PPP3R1: variants seen among roughly 807,000 people sequenced by gnomAD.
The protein encoded by PPP3R1 is protein phosphatase 3 regulatory subunit B, alpha, also known as calcineurin subunit B type 1.
In PPP3R1, 5 loss-of-function variants were observed where a neutral mutation model predicts 22.6. The observed-to-expected ratio is 0.22, with a 90% CI of 0.12 to 0.46. PPP3R1 has a LOEUF of 0.46. PPP3R1 is among the 20% of genes least tolerant of loss of function. The pLI is 0.99. For missense variants in PPP3R1, 61 were observed against 203.2 expected, an observed-to-expected ratio of 0.30 and a Z score of 4.25; for synonymous variants, 56 against 65.2, an observed-to-expected ratio of 0.86 and a Z score of 0.68.
chr2:68,194,388 A>G (rs1043698627), intron 2 of PPP3R1, among the ~76,000 whole-genome samples: 12 of 152,252 alleles, frequency 7.9e-5, no homozygotes, highest in Admixed American at 4.6e-4. Flanking sequence ...TTACTACATG[A>G]AAGTATTAAG....
Position 68,252,529 on chromosome 2 carries a change from G to A in PPP3R1, c.-402C>T. The A allele has an allele frequency of 1.0e-6, 1 of 983,790 alleles. No homozygotes were observed. The highest frequency in any genetic ancestry group is 1.1e-4 in the East Asian group (1 of 8,802). 60.9% of individuals were successfully genotyped at this position (983,790 alleles called of 1,614,324 possible). A position where few individuals can be genotyped will look rare whatever the true frequency, so the allele number is the denominator to read the frequency against. On this transcript the variant is annotated 5_prime_UTR_variant, in exon 1 of 6. Coordinates refer to ENST00000234310, the MANE Select transcript of PPP3R1 (RefSeq NM_000945.4). ...GCTCGCGCTGACCCGCAACCTCAAG[G>A]CACGAAAAAAGGGGAGGGCGGAGAG...
chr2:68,211,692 C>CT (rs1462892260), intron 2 of PPP3R1, among the ~76,000 whole-genome samples: 10 of 152,222 alleles, frequency 6.6e-5, no homozygotes, highest in Non-Finnish European at 8.8e-5. Context: ...TTTTCAAACC[C>CT]TGCTGCTGCT....
chr2:68,199,158 T>A (rs1182955295), intron 2 of PPP3R1, among the ~76,000 whole-genome samples: 1 of 152,124 alleles, frequency 6.6e-6, no homozygotes, highest in Non-Finnish European at 1.5e-5. Flanking sequence ...GAGATGGGAT[T>A]TCACCATGTT....
At chr2:68,186,423 T>C (rs1674547480) in intron 5 of PPP3R1, 45 bp downstream of exon 5, 5 of 1,514,020 alleles carry the variant, frequency 3.3e-6, no homozygotes, top group Non-Finnish European at 4.5e-6. Context: ...TTAAAATATG[T>C]TGCTGAAACA....
rs796721138 is a variant in PPP3R1 at position 68,209,276 on chromosome 2, G to A, written c.43+7816C>T. On this transcript the variant is annotated intron_variant, in intron 2 of 5. Transcript: ENST00000234310. ...TGGGAGGCTGAGGCAGGAGAATGGCGTGAACCCGGGAGGCGGAGCTTGCAG... is the reference window on the plus strand; with the variant it reads ...TGGGAGGCTGAGGCAGGAGAATGGCATGAACCCGGGAGGCGGAGCTTGCAG... 6.9e-4 allele frequency among the ~76,000 whole-genome samples: 93 copies of A among 135,410 alleles called. 3 individuals carry two copies. The highest frequency in any genetic ancestry group is 2.1e-3 in the African/African-American group (78 of 36,966). 88.8% of individuals were successfully genotyped at this position (135,410 alleles called of 152,430 possible). A position where few individuals can be genotyped will look rare whatever the true frequency, so the allele number is the denominator to read the frequency against.
At chr2:68,193,043 T>C (rs1160257654) in intron 2 of PPP3R1, among the ~76,000 whole-genome samples, 3 of 152,172 alleles carry the variant, frequency 2.0e-5, no homozygotes, top group African/African-American at 7.2e-5. Context: ...TCTCACTCCC[T>C]GGCAAAGGCC....
intron 1 of PPP3R1, among the ~76,000 whole-genome samples, chr2:68,217,999 C>T (rs1357378384): frequency 1.3e-5 from 2 of 152,004 alleles, no homozygotes; most frequent in African/African-American, 4.8e-5. Context: ...AGTAATATCT[C>T]AAGTAGTATA....
At chr2:68,190,434 A>T (rs1360465596) in intron 2 of PPP3R1, among the ~76,000 whole-genome samples, 1 of 151,812 alleles carries the variant, frequency 6.6e-6, no homozygotes, top group Non-Finnish European at 1.5e-5. Context: ...GAGTGATGGC[A>T]GGGCGCCTGT....
intron 1 of PPP3R1, among the ~76,000 whole-genome samples, chr2:68,249,382 G>A (rs547922283): frequency 3.2e-4 from 48 of 151,426 alleles, no homozygotes; most frequent in African/African-American, 1.1e-3. Context: ...AGTTATAGAC[G>A]GCAATAAATT....
chr2:68,225,032 A>T (rs1381501860), intron 1 of PPP3R1, among the ~76,000 whole-genome samples: 2 of 152,246 alleles, frequency 1.3e-5, no homozygotes, highest in African/African-American at 4.8e-5. Flanking sequence ...GCTATAATTT[A>T]AAAATGGACA....
chr2:68,208,137 G>C (rs1485307112), intron 2 of PPP3R1, among the ~76,000 whole-genome samples: 9 of 152,084 alleles, frequency 5.9e-5, no homozygotes, highest in South Asian at 2.1e-4. Context: ...TGGGCAACAA[G>C]AGCAAAACTG....
chr2:68,184,823 C>T lies in PPP3R1; in HGVS notation c.465+1645G>A, dbSNP rs1484051762. ...ATACTGGTGGCCAGACACAGTGGCT[C>T]GTGCCTGTAATCCCAATGCTTTGGA... is the stretch of plus-strand genomic sequence containing the variant. On this transcript the variant is annotated intron_variant, in intron 5 of 5. Coordinates refer to ENST00000234310, the MANE Select transcript of PPP3R1 (RefSeq NM_000945.4). Among the ~76,000 whole-genome samples the T allele has an allele frequency of 1.1e-4, 16 of 152,274 alleles. No individual in the cohort carries two copies. The East Asian group carries it at 2.1e-3, about 20-fold the overall frequency.
chr2:68,218,484 A>C (rs961128924), intron 1 of PPP3R1, among the ~76,000 whole-genome samples: 3 of 152,176 alleles, frequency 2.0e-5, no homozygotes, highest in African/African-American at 7.2e-5. Flanking sequence ...AAGAAAGCAA[A>C]CATTAATAAA....
intron 1 of PPP3R1, among the ~76,000 whole-genome samples, chr2:68,247,605 TC>T (rs1670260938): frequency 6.6e-6 from 1 of 152,190 alleles, no homozygotes; most frequent in Admixed American, 6.5e-5. Flanking sequence ...ACAATAGTCA[TC>T]CCAGCAAACT....
rs1205037495 is a variant in PPP3R1 at position 68,251,266 on chromosome 2, G to C, written c.3+859C>G. On this transcript the variant is annotated intron_variant, in intron 1 of 5. Transcript: ENST00000234310. Reference sequence around the variant, plus strand: ...CCTAGCGTCGGTCTGAAACACTACAGCAGCGAATTCTACCTAGGGATTAAT... The same window carrying C: ...CCTAGCGTCGGTCTGAAACACTACACCAGCGAATTCTACCTAGGGATTAAT... 2.6e-5 allele frequency: 4 copies of C among 152,172 alleles called. No homozygotes were observed. In the South Asian group the frequency reaches 8.3e-4, roughly 32 times the overall value. 9.4% of individuals were successfully genotyped at this position (152,172 alleles called of 1,614,324 possible).
At chr2:68,197,417 G>C (rs570208834) in intron 2 of PPP3R1, among the ~76,000 whole-genome samples, 1 of 152,178 alleles carries the variant, frequency 6.6e-6, no homozygotes, top group South Asian at 2.1e-4. Context: ...ACCACAATTT[G>C]TTTATGCATT....
At chr2:68,235,103 C>A (rs1278353136) in intron 1 of PPP3R1, among the ~76,000 whole-genome samples, 1 of 152,162 alleles carries the variant, frequency 6.6e-6, no homozygotes, top group Non-Finnish European at 1.5e-5. Flanking sequence ...GCAATGAGAA[C>A]AGATAAAGAA....
At chr2:68,232,191 A>T (rs1000414863) in intron 1 of PPP3R1, among the ~76,000 whole-genome samples, 1 of 57,568 alleles carries the variant, frequency 1.7e-5, no homozygotes, top group Non-Finnish European at 2.8e-5. Flanking sequence ...GTATATGTAT[A>T]TACATATTAT....
intron 2 of PPP3R1, among the ~76,000 whole-genome samples, chr2:68,196,898 T>C (rs1157384675): frequency 1.3e-5 from 2 of 152,138 alleles, no homozygotes; most frequent in Non-Finnish European, 1.5e-5. Flanking sequence ...CTGATTTTTG[T>C]ATTTTTGGTA....
Sources: allele counts gnomAD v4.1 joint callset (sites outside exome capture counted in the v4.1 genomes callset), GRCh38; gene constraint gnomAD v4.1.1; transcripts MANE v1.5; gene names NCBI Gene and HGNC (gene_info 2026-07-23, HGNC 2026-07-21).